Variants in CREB5 observed in about 807,000 individuals in gnomAD.
CREB5 encodes cyclic AMP-responsive element-binding protein 5.
A neutral mutation model predicts 57.1 loss-of-function variants in CREB5; 19 were observed. That is an observed-to-expected ratio of 0.33 (90% CI 0.23 to 0.49). CREB5 has a LOEUF of 0.49. Ranked by LOEUF, CREB5 falls within the 20% of genes least tolerant of loss-of-function variation. CREB5 has a pLI of 0.99. For missense variants in CREB5, 579 were observed against 671.6 expected, an observed-to-expected ratio of 0.86 and a Z score of 1.52; for synonymous variants, 238 against 238.3, an observed-to-expected ratio of 1.00 and a Z score of 0.01.
intron 1 of CREB5, among the ~76,000 whole-genome samples, chr7:28,374,098 G>A (rs181645706): frequency 6.6e-6 from 1 of 152,122 alleles, no homozygotes; most frequent in Non-Finnish European, 1.5e-5. Flanking sequence ...CATACAGATG[G>A]CAAATAAGCA....
chr7:28,401,415 ATTTTTTAT>A (rs1787460270), intron 1 of CREB5, among the ~76,000 whole-genome samples: 1 of 151,256 alleles, frequency 6.6e-6, no homozygotes, highest in South Asian at 2.1e-4. Context: ...AATTTTTTTA[ATTTTTTAT>A]TTTTTTATAA....
At chr7:28,460,593 A>G (rs1209111078) in intron 1 of CREB5, among the ~76,000 whole-genome samples, 1 of 152,188 alleles carries the variant, frequency 6.6e-6, no homozygotes, top group Admixed American at 6.5e-5. Flanking sequence ...AAAGTCACCT[A>G]ATTAGTTCTT....
chr7:28,378,488 T>G (rs1786891984), intron 1 of CREB5, among the ~76,000 whole-genome samples: 1 of 152,236 alleles, frequency 6.6e-6, no homozygotes, highest in South Asian at 2.1e-4. Flanking sequence ...TGCATTTAAT[T>G]TTTTAAATGG....
intron 4 of CREB5, among the ~76,000 whole-genome samples, chr7:28,520,543 C>A (rs1296681580): frequency 6.6e-6 from 1 of 152,220 alleles, no homozygotes; most frequent in East Asian, 1.9e-4. Flanking sequence ...TTTGGTGATT[C>A]TGTGTCACTG....
intron 1 of CREB5, among the ~76,000 whole-genome samples, chr7:28,457,421 AG>A (rs1790148128): frequency 6.6e-6 from 1 of 152,080 alleles, no homozygotes. Context: ...TGTTCTGCAT[AG>A]GGCAGGCAGT....
In CREB5 at chr7:28,647,546, C is replaced by G. The variant is rs556219910; in HGVS notation, c.465-71207C>G. ...CAGCCTACTATTAGAAGGCATTGCT[C>G]TCTAATACTAAGACATTATTAGTAC... On this transcript the variant is annotated intron_variant, in intron 5 of 10. Coordinates refer to ENST00000357727, the MANE Select transcript of CREB5 (RefSeq NM_182898.4). 1.7e-4 allele frequency among the ~76,000 whole-genome samples: 26 copies of G among 152,272 alleles called. No homozygotes were observed. In the South Asian group the frequency reaches 4.8e-3, roughly 28 times the overall value.
chr7:28,471,968 G>C (rs376083803), intron 1 of CREB5, among the ~76,000 whole-genome samples: 1 of 138,634 alleles, frequency 7.2e-6, no homozygotes, highest in Non-Finnish European at 1.6e-5. Context: ...TTAAAGTTTT[G>C]ACCAACCTTC....
chr7:28,447,269 T>G (rs1278027463), intron 1 of CREB5, among the ~76,000 whole-genome samples: 3 of 152,246 alleles, frequency 2.0e-5, no homozygotes, highest in Admixed American at 2.0e-4. Flanking sequence ...TTCTTTTTCA[T>G]AAGCTTTCTT....
intron 1 of CREB5, among the ~76,000 whole-genome samples, chr7:28,312,369 C>G (rs1429553612): frequency 6.6e-6 from 1 of 152,058 alleles, no homozygotes; most frequent in East Asian, 1.9e-4. Context: ...GATACCTACT[C>G]GGATTTCACA....
intron 4 of CREB5, among the ~76,000 whole-genome samples, chr7:28,527,253 C>T (rs1418003109): frequency 1.3e-5 from 2 of 152,234 alleles, no homozygotes; most frequent in Admixed American, 6.5e-5. Context: ...AGAACCCATC[C>T]TGCTTTTCTT....
At chr7:28,497,943 A>G (rs1258440959) in intron 3 of CREB5, among the ~76,000 whole-genome samples, 1 of 152,218 alleles carries the variant, frequency 6.6e-6, no homozygotes, top group Non-Finnish European at 1.5e-5. Flanking sequence ...ACTTTTATTA[A>G]AACTATGTTT....
At chr7:28,454,467 C>A in intron 1 of CREB5, among the ~76,000 whole-genome samples, 1 of 152,296 alleles carries the variant, frequency 6.6e-6, no homozygotes, top group East Asian at 1.9e-4. Flanking sequence ...CTATGGCATT[C>A]CTCAGGGCAT....
At chr7:28,796,325 GC>G (rs1583764867) in intron 7 of CREB5, among the ~76,000 whole-genome samples, 1 of 152,220 alleles carries the variant, frequency 6.6e-6, no homozygotes, top group East Asian at 1.9e-4. Context: ...TTAGCATAAT[GC>G]TTTTGGGATT....
chr7:28,740,361 T>C (rs1432225516), intron 7 of CREB5, among the ~76,000 whole-genome samples: 1 of 152,214 alleles, frequency 6.6e-6, no homozygotes, highest in Non-Finnish European at 1.5e-5. Flanking sequence ...ACTTTCCCTT[T>C]CTGTTTGGTA....
intron 1 of CREB5, among the ~76,000 whole-genome samples, chr7:28,381,695 T>G (rs1231839416): frequency 6.6e-6 from 1 of 152,200 alleles, no homozygotes; most frequent in African/African-American, 2.4e-5. Context: ...GGTTAATCCC[T>G]GATAAAATTG....
intron 7 of CREB5, among the ~76,000 whole-genome samples, chr7:28,775,521 C>G (rs1275151416): frequency 8.5e-6 from 1 of 117,670 alleles, no homozygotes; most frequent in Non-Finnish European, 1.7e-5. Context: ...ATATATTATG[C>G]CATATTTATG....
rs1374453879 is a variant in CREB5, at chr7:28,795,081, C to T, written c.703-9118C>T. Among the ~76,000 whole-genome samples the T allele has an allele frequency of 4.6e-5, 7 of 152,098 alleles. No homozygotes were observed. The East Asian group carries it at 1.2e-3, about 25-fold the overall frequency. ...CCCTGCGGAGAACAGGACTCTCACT[C>T]TCTTGAGTTCTCTAATTTAGTTTTA... On this transcript the variant is annotated intron_variant, in intron 7 of 10. Transcript: ENST00000357727.
At chr7:28,653,237 T>C (rs1157658351) in intron 5 of CREB5, among the ~76,000 whole-genome samples, 1 of 152,190 alleles carries the variant, frequency 6.6e-6, no homozygotes, top group Non-Finnish European at 1.5e-5. Context: ...TAGAACTAGG[T>C]ATATTCACTA....
chr7:28,805,146 G>C (rs914697063), intron 8 of CREB5, among the ~76,000 whole-genome samples: 5 of 152,210 alleles, frequency 3.3e-5, no homozygotes, highest in African/African-American at 1.2e-4. Flanking sequence ...AACAGAAAGA[G>C]AGCCAAGTTC....
Sources: allele counts gnomAD v4.1 joint callset (sites outside exome capture counted in the v4.1 genomes callset), GRCh38; gene constraint gnomAD v4.1.1; transcripts MANE v1.5; gene names NCBI Gene and HGNC (gene_info 2026-07-23, HGNC 2026-07-21).